Variants in VIPR2 observed in about 807,000 individuals in gnomAD.
The protein encoded by VIPR2 is vasoactive intestinal polypeptide receptor 2.
A neutral mutation model predicts 58.0 loss-of-function variants in VIPR2; 48 were observed. That is an observed-to-expected ratio of 0.83 (90% confidence interval 0.66 to 1.05). The LOEUF (loss-of-function observed/expected upper bound fraction) is 1.05, where lower values mean the gene tolerates loss of function less well. Ranked by LOEUF, VIPR2 falls within the 50% of genes least tolerant of loss-of-function variation. The pLI is 0.00. For synonymous variants in VIPR2, 243 were observed against 235.2 expected (o/e 1.03, Z -0.30); for missense variants, 534 against 558.0 (o/e 0.96, Z 0.43).
rs1297386918 is a variant in VIPR2 at position 159,081,640 on chromosome 7, C to T, written c.357+22117G>A. On this transcript the variant is annotated intron_variant, in intron 4 of 12. Transcript: ENST00000262178. ...AATGGGATCTAATTAAACTAAAGAG[C>T]TTCTGCACAGCAAAAGAAACCACCA... Among the ~76,000 whole-genome samples, 6 of 152,226 alleles carry T rather than the reference C, an allele frequency of 3.9e-5. No individual in the cohort carries two copies. In the East Asian group the frequency reaches 1.2e-3, roughly 29 times the overall value.
At position 159,100,906 on chromosome 7, in the gene VIPR2, G is replaced by A. The variant is rs548653600; in HGVS notation, c.357+2851C>T. On this transcript the variant is annotated intron_variant, in intron 4 of 12. Coordinates refer to ENST00000262178, the MANE Select transcript of VIPR2 (RefSeq NM_003382.5). ...CGAGATCCGACAAGGCCGTTCCCCC[G>A]ACTGTTCCTGTGGTAGTGAACGGGT... 1.7e-4 allele frequency among the ~76,000 whole-genome samples: 25 copies of A among 146,548 alleles called. 1 individual carries two copies. Among genetic ancestry groups the A allele is most frequent in the African/African-American group, 6.2e-4 (24 of 38,440 alleles).
rs115382859 is a variant in VIPR2, at chr7:159,120,759, C to T, written c.152-10840G>A. 3.7e-3 allele frequency among the ~76,000 whole-genome samples: 563 copies of T among 152,270 alleles called. 1 individual carries two copies. Among genetic ancestry groups the T allele is most frequent in the African/African-American group, 0.013 (537 of 41,556 alleles). On this transcript the variant is annotated intron_variant, in intron 2 of 12. Transcript: ENST00000262178. ...GTGTCCCACCGCACCCTATTTATGA[C>T]GGGTAAGAGGCTGGGCCTTGTCGCT...
rs529101122 is a variant in VIPR2 at position 159,090,686 on chromosome 7, C to T, written c.357+13071G>A. 7.8e-4 allele frequency among the ~76,000 whole-genome samples: 101 copies of T among 130,006 alleles called. No homozygotes were observed. The East Asian group carries it at 9.5e-3, about 12-fold the overall frequency. 85.3% of individuals were successfully genotyped at this position (130,006 alleles called of 152,430 possible). A position where few individuals can be genotyped will look rare whatever the true frequency, so the allele number is the denominator to read the frequency against. ...CCTCAGCAGAGACACACTGGGATCA[C>T]GCACAGGGGCCACCTCTTGTGACTA... On this transcript the variant is annotated intron_variant, in intron 4 of 12. Coordinates refer to ENST00000262178, the MANE Select transcript of VIPR2 (RefSeq NM_003382.5).
rs947914572 is a variant in VIPR2, at chr7:159,128,003, C to T, written c.151+14443G>A. ...TCTTCCTGGATCATCCCAGAACATA[C>T]ATCCACAGCGCCAGGACAAACCACC... On this transcript the variant is annotated intron_variant, in intron 2 of 12. Transcript: ENST00000262178. This position sits in a 1 kb window ranked among gnomAD's most constrained non-coding sequence, Gnocchi z 4.1. Among the ~76,000 whole-genome samples the T allele has an allele frequency of 1.3e-5, 2 of 152,160 alleles. No individual in the cohort carries two copies. The highest frequency in any genetic ancestry group is 4.8e-5 in the African/African-American group (2 of 41,436).
intron 8 of VIPR2, among the ~76,000 whole-genome samples, chr7:159,034,965 A>C (rs1367438584): frequency 6.6e-6 from 1 of 152,146 alleles, no homozygotes; most frequent in South Asian, 2.1e-4. Context: ...TGAAATCAGG[A>C]GAAAAGAACC....
At chr7:159,060,528 G>T (rs1313900926) in intron 4 of VIPR2, among the ~76,000 whole-genome samples, 2 of 149,630 alleles carry the variant, frequency 1.3e-5, no homozygotes, top group Non-Finnish European at 3.0e-5. Context: ...TCACCTAACT[G>T]CCACCCTCAC....
Position 159,031,389 on chromosome 7 carries a change from G to A in VIPR2, c.1143+439C>T, listed in dbSNP as rs1000853376. 3 of 972,684 alleles carry A rather than the reference G, an allele frequency of 3.1e-6. No homozygotes were observed. Among genetic ancestry groups the A allele is most frequent in the Non-Finnish European group, 3.7e-6 (3 of 818,512 alleles). The allele number at this position is 972,684 out of a possible 1,614,324, so 60.3% of individuals were successfully genotyped here. On this transcript the variant is annotated intron_variant, in intron 12 of 12. Coordinates refer to ENST00000262178, the MANE Select transcript of VIPR2 (RefSeq NM_003382.5). The surrounding 1 kb of genome is among the most constrained non-coding windows in gnomAD (Gnocchi z 4.0). ...AGCCCGGAGACAGCCTCCCTGGCTG[G>A]GAATGAACGCAGGGCAGAGCTCGGC... is the stretch of plus-strand genomic sequence containing the variant.
chr7:159,030,874 G>C (rs1853521662), intron 12 of VIPR2, 85 bp from the exon 13 acceptor site: 1 of 1,406,356 alleles, frequency 7.1e-7, no homozygotes, highest in South Asian at 1.5e-5. Context: ...CGAGCCTCCA[G>C]CTCTCCCTCC....
chr7:159,036,815 T>C lies in VIPR2; in HGVS notation c.685A>G (p.Thr229Ala), dbSNP rs1329132607. The C allele has an allele frequency of 6.2e-7, 1 of 1,613,534 alleles. No individual in the cohort carries two copies. The highest frequency in any genetic ancestry group is 2.2e-5 in the East Asian group (1 of 44,846). The change falls in exon 7 of 13, where the codon ACC (threonine) becomes GCC (alanine). Residue 229 changes from threonine to alanine, a missense_variant. This residue lies in a region of VIPR2 where 306 missense variants were observed against 285.8 expected (regional missense o/e 1.07). Coordinates refer to ENST00000262178, the MANE Select transcript of VIPR2 (RefSeq NM_003382.5). ...WLLVEGLYLH[T>A]LLVAMLPPRR... ...GGGGGGAGCATGGCCACCAGGAGGG[T>C]GTGGAGGTAGAGCCCCTCCACCAGC...
At chr7:159,139,286 G>C (rs926543378) in intron 2 of VIPR2, among the ~76,000 whole-genome samples, 3 of 151,602 alleles carry the variant, frequency 2.0e-5, no homozygotes, top group Non-Finnish European at 4.4e-5. Flanking sequence ...TTTGACACTG[G>C]GGGTTTCCTA....
intron 3 of VIPR2, among the ~76,000 whole-genome samples, chr7:159,107,799 G>A (rs1047151546): frequency 6.6e-6 from 1 of 152,200 alleles, no homozygotes; most frequent in Non-Finnish European, 1.5e-5. Context: ...CACTGCTTCT[G>A]GACAGGGCCC....
At chr7:159,116,610 A>C (rs776071122) in intron 2 of VIPR2, among the ~76,000 whole-genome samples, 17 of 152,182 alleles carry the variant, frequency 1.1e-4, no homozygotes, top group Non-Finnish European at 2.4e-4. Context: ...TCGTTCAGAA[A>C]AACGGACCCT....
intron 5 of VIPR2, among the ~76,000 whole-genome samples, chr7:159,054,841 A>G (rs1407822381): frequency 6.6e-6 from 1 of 152,216 alleles, no homozygotes; most frequent in Admixed American, 6.5e-5. Flanking sequence ...ATACATATCT[A>G]TGTGGTATGA....
At chr7:159,112,721 GACTCAC>G (rs1796075627) in intron 2 of VIPR2, among the ~76,000 whole-genome samples, 11 of 136,576 alleles carry the variant, frequency 8.1e-5, no homozygotes, top group Non-Finnish European at 9.7e-5. Context: ...GTGAGGAGGA[GACTCAC>G]GGCGCCTACC....
chr7:159,108,075 T>C (rs1021633629), intron 3 of VIPR2, among the ~76,000 whole-genome samples: 1 of 152,238 alleles, frequency 6.6e-6, no homozygotes, highest in Admixed American at 6.5e-5. Context: ...TTACAGGTCA[T>C]GGGAGGAGCA....
At chr7:159,042,466 C>T (rs73522258) in intron 6 of VIPR2, among the ~76,000 whole-genome samples, 4,047 of 152,200 alleles carry the variant, frequency 0.027, 181 homozygotes, top group African/African-American at 0.091. Flanking sequence ...GGGAGAAGGG[C>T]GTGGGTGGAG....
rs116407744 is a variant in VIPR2, at chr7:159,062,266, C to G, written c.358-3688G>C. On this transcript the variant is annotated intron_variant, in intron 4 of 12. Coordinates refer to ENST00000262178, the MANE Select transcript of VIPR2 (RefSeq NM_003382.5). ...CCCGCAGGTGAGAGAGCAGCGCCAG[C>G]CTCGGGCTCGGGTCTGGGGGTCCTG... 7.8e-3 allele frequency among the ~76,000 whole-genome samples: 1,190 copies of G among 152,298 alleles called. 16 individuals carry two copies. Among genetic ancestry groups the G allele is most frequent in the African/African-American group, 0.027 (1,123 of 41,576 alleles).
rs372178521 is a variant in VIPR2, at chr7:159,043,100, C to A, written c.532G>T (p.Val178Phe). The A allele has an allele frequency of 8.7e-6, 14 of 1,613,962 alleles. No homozygotes were observed. The South Asian group carries it at 1.5e-4, about 18-fold the overall frequency. The stretch of plus-strand genomic sequence containing the variant: ...CTGGAGTAGAGAACGTCGTCCTTGA[C>A]CAGCACTGAGATGGCTCTCAGGATG... ...SFILRAISVLVKDDVLYSSSG... is the reference protein window; with the variant it reads ...SFILRAISVLFKDDVLYSSSG... The change falls in exon 6 of 13, where the codon GTC (valine) becomes TTC (phenylalanine). Residue 178 changes from valine to phenylalanine, a missense_variant. By Grantham distance (50) the Val-to-Phe change is conservative (BLOSUM62 -1). Around this residue, in one of 3 missense-constraint regions of VIPR2, gnomAD observed 224 missense variants for 255.7 expected, o/e 0.88. Coordinates refer to ENST00000262178, the MANE Select transcript of VIPR2 (RefSeq NM_003382.5).
At chr7:159,034,472 AGTGATGC>A in intron 9 of VIPR2, 102 bp downstream of exon 9, 1 of 1,333,002 alleles carries the variant, frequency 7.5e-7, no homozygotes, top group Admixed American at 1.7e-5. Flanking sequence ...GGGAAGGCTG[AGTGATGC>A]GTGGAATGGG....
Sources: gnomAD v4.1 joint callset for allele counts (sites outside exome capture counted in the v4.1 genomes callset) on GRCh38, gnomAD v4.1.1 for gene constraint, gnomAD v4.1.1 regional missense constraint, Gnocchi (gnomAD v3.1) non-coding constraint, MANE v1.5 for transcripts, NCBI Gene and HGNC (gene_info 2026-07-23, HGNC 2026-07-21) for gene names.